LRBA: variants seen among roughly 807,000 people sequenced by gnomAD.
LRBA encodes the protein LPS responsive beige-like anchor protein, also known as lipopolysaccharide-responsive and beige-like anchor protein.
In LRBA, 176 loss-of-function variants were observed where a neutral mutation model predicts 330.0. That is an observed-to-expected ratio of 0.53 (90% CI 0.47 to 0.60). The LOEUF (loss-of-function observed/expected upper bound fraction) is 0.60. Ranked by LOEUF, LRBA falls within the 20% of genes least tolerant of loss-of-function variation. The probability of loss-of-function intolerance (pLI) is 0.00; values close to 1 mark genes in which losing one functional copy is unlikely to be tolerated. For synonymous variants in LRBA, 1,230 were observed against 1,193.0 expected (o/e 1.03, Z -0.64); for missense variants, 3,259 against 3,444.8 (o/e 0.95, Z 1.35).
At chr4:151,015,455 A>T (rs890264502), upstream of LRBA, 13 of 153,146 alleles carry the variant, frequency 8.5e-5, no homozygotes, top group Admixed American at 3.9e-4. Flanking sequence ...AGAAGGGAGG[A>T]CAGAGAGGTC....
intron 48 of LRBA, among the ~76,000 whole-genome samples, chr4:150,346,633 C>T (rs1388706624): frequency 1.3e-5 from 2 of 151,624 alleles, no homozygotes; most frequent in African/African-American, 2.4e-5. Flanking sequence ...GTGGTGCATG[C>T]CTGTAATCCC....
At chr4:150,601,255 T>C (rs975545764) in intron 37 of LRBA, among the ~76,000 whole-genome samples, 6 of 152,234 alleles carry the variant, frequency 3.9e-5, no homozygotes, top group African/African-American at 7.2e-5. Flanking sequence ...GATGTCATTC[T>C]TCTTGATAAC....
chr4:150,997,239 T>G (rs576730807), intron 2 of LRBA, among the ~76,000 whole-genome samples: 38 of 152,322 alleles, frequency 2.5e-4, no homozygotes, highest in African/African-American at 8.9e-4. Flanking sequence ...AGAACTTGGC[T>G]AAATTGAAAA....
intron 36 of LRBA, among the ~76,000 whole-genome samples, chr4:150,727,436 G>T (rs938869094): frequency 3.3e-5 from 5 of 151,826 alleles, no homozygotes; most frequent in South Asian, 2.1e-4. Context: ...TCAGCACATG[G>T]GTCATTCTCA....
intron 2 of LRBA, among the ~76,000 whole-genome samples, chr4:150,965,598 G>A (rs1193429641): frequency 6.6e-6 from 1 of 152,136 alleles, no homozygotes; most frequent in Non-Finnish European, 1.5e-5. Context: ...AGACTGCAGT[G>A]GCGTGAACAC....
At chr4:150,356,669 T>A (rs1475565224) in intron 47 of LRBA, among the ~76,000 whole-genome samples, 1 of 151,898 alleles carries the variant, frequency 6.6e-6, no homozygotes, top group Non-Finnish European at 1.5e-5. Flanking sequence ...TTCACATCAA[T>A]CCTCATTTAA....
At chr4:150,857,998 A>G (rs2126944406) in intron 22 of LRBA, among the ~76,000 whole-genome samples, 1 of 152,312 alleles carries the variant, frequency 6.6e-6, no homozygotes, top group Middle Eastern at 3.4e-3. Flanking sequence ...TTATGTATAG[A>G]TTCATGTATA....
intron 48 of LRBA, among the ~76,000 whole-genome samples, chr4:150,334,713 T>C (rs989287238): frequency 1.3e-5 from 2 of 152,026 alleles, no homozygotes; most frequent in African/African-American, 4.8e-5. Context: ...GCATGTATTA[T>C]TTTTGAAATA....
chr4:150,438,466 T>C (rs1006914419), intron 44 of LRBA, among the ~76,000 whole-genome samples: 7 of 152,104 alleles, frequency 4.6e-5, no homozygotes, highest in African/African-American at 1.7e-4. Context: ...GCCTTGGTGA[T>C]GGAGAGAGTC....
In LRBA at chr4:150,265,795, A is replaced by C; in HGVS notation, c.8486T>G (p.Met2829Arg). 6.2e-7 allele frequency: 1 copy of C among 1,612,178 alleles called. No individual in the cohort carries two copies. The highest frequency in any genetic ancestry group is 1.1e-5 in the South Asian group (1 of 91,038). Residue 2829 changes from methionine to arginine, a missense_variant, in exon 57 of 57, where the codon ATG becomes AGG. By Grantham distance (91) the Met-to-Arg change is moderately conservative (BLOSUM62 -1). Coordinates refer to ENST00000651943, the MANE Select transcript of LRBA (RefSeq NM_001364905.1). ...SYDQRCIISG[M>R]ASGSIVLFYN... ...AAATAGCACAATGCTTCCTGAAGCC[A>C]TGCCAGAAATGATGCACCTAGGAGA... is the stretch of plus-strand genomic sequence containing the variant.
chr4:150,990,713 G>A (rs1406642008), intron 2 of LRBA, among the ~76,000 whole-genome samples: 1 of 152,040 alleles, frequency 6.6e-6, no homozygotes, highest in Non-Finnish European at 1.5e-5. Context: ...TTCAGCCTGG[G>A]TGACAGAGCA....
At chr4:150,697,344 A>AAAAAAAAAAAAAAAAC (rs1561527638) in intron 36 of LRBA, among the ~76,000 whole-genome samples, 1 of 148,738 alleles carries the variant, frequency 6.7e-6, no homozygotes, top group African/African-American at 2.5e-5. Flanking sequence ...AAAAAAAAAA[A>AAAAAAAAAAAAAAAAC]AAAAAAACAG....
rs1774586570 is a variant in LRBA, at chr4:150,606,027, T to G, written c.5922-6896A>C. Among the ~76,000 whole-genome samples, 4 of 152,182 alleles carry G rather than the reference T, an allele frequency of 2.6e-5. No homozygotes were observed. The South Asian group carries it at 8.3e-4, about 31-fold the overall frequency. ...TTATTTAATTATGTAAAATCAAATTTTATGTAATTAGGAATTTCTGCATGT... is the reference window on the plus strand; with the variant it reads ...TTATTTAATTATGTAAAATCAAATTGTATGTAATTAGGAATTTCTGCATGT... On this transcript the variant is annotated intron_variant, in intron 37 of 56. Coordinates refer to ENST00000651943, the MANE Select transcript of LRBA (RefSeq NM_001364905.1).
intron 30 of LRBA, among the ~76,000 whole-genome samples, chr4:150,819,733 A>C (rs1745145855): frequency 6.6e-6 from 1 of 152,134 alleles, no homozygotes; most frequent in South Asian, 2.1e-4. Context: ...TTTATTCAAG[A>C]TGACATAGCT....
chr4:150,847,689 C>T (rs182549359), intron 26 of LRBA, among the ~76,000 whole-genome samples: 42 of 152,154 alleles, frequency 2.8e-4, no homozygotes, highest in African/African-American at 7.2e-4. Context: ...AACAAAGTCT[C>T]GATATTTACA....
chr4:150,975,463 T>C (rs144799727), intron 2 of LRBA, among the ~76,000 whole-genome samples: 22 of 149,876 alleles, frequency 1.5e-4, no homozygotes, highest in African/African-American at 5.1e-4. Context: ...GAGACGGAGG[T>C]TGCAGTGAGC....
At chr4:150,869,053 TG>T (rs1390824168) in intron 20 of LRBA, among the ~76,000 whole-genome samples, 1 of 152,172 alleles carries the variant, frequency 6.6e-6, no homozygotes, top group Non-Finnish European at 1.5e-5. Context: ...CTTTCATAGC[TG>T]GGATTATAGG....
chr4:150,933,090 G>A (rs1734688837), intron 2 of LRBA, among the ~76,000 whole-genome samples: 1 of 151,828 alleles, frequency 6.6e-6, no homozygotes, highest in South Asian at 2.1e-4. Context: ...TAAATTACAA[G>A]ATAAAGGTTA....
chr4:150,847,003 G>C (rs1032422952), intron 26 of LRBA, among the ~76,000 whole-genome samples: 3 of 152,136 alleles, frequency 2.0e-5, no homozygotes, highest in Non-Finnish European at 4.4e-5. Flanking sequence ...TTCTAGGAAA[G>C]TGAAAAGCCT....
Sources: allele counts gnomAD v4.1 joint callset (sites outside exome capture counted in the v4.1 genomes callset), GRCh38; gene constraint gnomAD v4.1.1; transcripts MANE v1.5; gene names NCBI Gene and HGNC (gene_info 2026-07-23, HGNC 2026-07-21).